The following MBD5 variants were observed in gnomAD, a reference collection of about 807,000 sequenced individuals.
The protein encoded by MBD5 is methyl-CpG binding domain protein 5.
A neutral mutation model predicts 117.3 loss-of-function variants in MBD5; 13 were observed. The observed-to-expected ratio is 0.11, with a 90% CI of 0.07 to 0.18. The LOEUF (loss-of-function observed/expected upper bound fraction) is 0.18, where lower values mean the gene tolerates loss of function less well. Among genes scored for constraint, MBD5 ranks in the 10% least tolerant of loss-of-function variants. MBD5 has a pLI of 1.00. For missense variants in MBD5, 1,879 were observed against 2,093.8 expected (o/e 0.90, Z 2.00); for synonymous variants, 727 against 766.4 (o/e 0.95, Z 0.85).
chr2:148,237,688 T>G (rs997074871), intron 3 of MBD5, among the ~76,000 whole-genome samples: 2 of 152,176 alleles, frequency 1.3e-5, no homozygotes, highest in African/African-American at 4.8e-5. Flanking sequence ...CTCAGAGTCA[T>G]GAAGTGAGCA....
chr2:148,160,681 T>C (rs1175918017), intron 1 of MBD5, among the ~76,000 whole-genome samples: 3 of 152,174 alleles, frequency 2.0e-5, no homozygotes, highest in African/African-American at 7.2e-5. Context: ...GATTTATATG[T>C]TTTTTCACTG....
intron 3 of MBD5, among the ~76,000 whole-genome samples, chr2:148,278,338 A>G (rs1279107058): frequency 6.6e-6 from 1 of 152,030 alleles, no homozygotes; most frequent in African/African-American, 2.4e-5. Context: ...GGAATGCTCT[A>G]TTTTTTAGTG....
At chr2:148,374,699 G>T (rs905617255) in intron 4 of MBD5, among the ~76,000 whole-genome samples, 1 of 152,080 alleles carries the variant, frequency 6.6e-6, no homozygotes, top group African/African-American at 2.4e-5. Context: ...CAGGATTCTG[G>T]GATATTACAG....
chr2:148,244,946 A>G (rs1362554610), intron 3 of MBD5, among the ~76,000 whole-genome samples: 1 of 144,762 alleles, frequency 6.9e-6, no homozygotes, highest in Non-Finnish European at 1.5e-5. Context: ...CCTGGAAATT[A>G]TATGTAATTG....
intron 1 of MBD5, among the ~76,000 whole-genome samples, chr2:148,075,285 G>A (rs1309482636): frequency 6.6e-6 from 1 of 152,100 alleles, no homozygotes; most frequent in African/African-American, 2.4e-5. Context: ...GATAATCAGA[G>A]GCAAAGGTAA....
intron 2 of MBD5, among the ~76,000 whole-genome samples, chr2:148,231,211 AG>A (rs1699977311): frequency 6.6e-6 from 1 of 152,214 alleles, no homozygotes; most frequent in African/African-American, 2.4e-5. Flanking sequence ...TGAGGCTTGC[AG>A]GAACTCAAGT....
intron 3 of MBD5, among the ~76,000 whole-genome samples, chr2:148,262,855 A>G (rs1401640068): frequency 6.6e-6 from 1 of 152,240 alleles, no homozygotes; most frequent in East Asian, 1.9e-4. Flanking sequence ...GACTGTAGTA[A>G]AAGCAATAGC....
At chr2:148,066,608 G>A (rs2105040604) in intron 1 of MBD5, among the ~76,000 whole-genome samples, 1 of 151,124 alleles carries the variant, frequency 6.6e-6, no homozygotes, top group East Asian at 2.0e-4. Flanking sequence ...CTCCTGAATA[G>A]CTGGGAGTAT....
chr2:148,388,889 A>T (rs1319654818), intron 4 of MBD5, among the ~76,000 whole-genome samples: 3 of 151,988 alleles, frequency 2.0e-5, no homozygotes, highest in Admixed American at 2.0e-4. Context: ...TTGTTCCATG[A>T]GTATGTAATG....
chr2:148,419,168 G>C (rs900857603), intron 4 of MBD5, among the ~76,000 whole-genome samples: 1 of 152,104 alleles, frequency 6.6e-6, no homozygotes, highest in Non-Finnish European at 1.5e-5. Flanking sequence ...GGGAAAATTG[G>C]ATAGCAACAT....
At chr2:148,274,858 G>A (rs913205840) in intron 3 of MBD5, among the ~76,000 whole-genome samples, 4 of 152,070 alleles carry the variant, frequency 2.6e-5, no homozygotes, top group Non-Finnish European at 5.9e-5. Context: ...AAGTAGCTGG[G>A]ATTATAGGCG....
At chr2:148,498,552 G>C (rs1014568265) in intron 11 of MBD5, among the ~76,000 whole-genome samples, 14 of 152,086 alleles carry the variant, frequency 9.2e-5, no homozygotes, top group Non-Finnish European at 2.1e-4. Flanking sequence ...TGGCCAGGCT[G>C]GTCTGGAACT....
chr2:148,297,794 A>T (rs1475712706), intron 3 of MBD5, among the ~76,000 whole-genome samples: 2 of 151,610 alleles, frequency 1.3e-5, no homozygotes, highest in Non-Finnish European at 2.9e-5. Flanking sequence ...TCTCATGGAG[A>T]TACTAGCCTC....
intron 4 of MBD5, among the ~76,000 whole-genome samples, chr2:148,351,289 C>T (rs575420900): frequency 6.6e-6 from 1 of 152,156 alleles, no homozygotes; most frequent in South Asian, 2.1e-4. Flanking sequence ...CAGTCCCAGG[C>T]AGGCAACCAC....
At chr2:148,176,832 T>C (rs910367006) in intron 1 of MBD5, among the ~76,000 whole-genome samples, 25 of 149,534 alleles carry the variant, frequency 1.7e-4, no homozygotes, top group African/African-American at 6.2e-4. Flanking sequence ...AAAATTAAGC[T>C]AGGAGTGCTT....
chr2:148,171,988 C>CAT lies in MBD5; in HGVS notation c.-924-6710_-924-6709dup, dbSNP rs1324387468. On this transcript the variant is annotated intron_variant, in intron 1 of 13. Transcript: ENST00000642680. ...AGGAGTTCATGACCAGCCTGGACAG[C>CAT]ATAGCAAGACCCCATCTCTACAAAG... is the stretch of plus-strand genomic sequence containing the variant. 2.0e-5 allele frequency among the ~76,000 whole-genome samples: 3 copies of CAT among 152,242 alleles called. No homozygotes were observed. The East Asian group carries it at 5.8e-4, about 29-fold the overall frequency.
intron 4 of MBD5, among the ~76,000 whole-genome samples, chr2:148,448,748 C>G (rs1018262673): frequency 2.6e-5 from 4 of 151,832 alleles, no homozygotes; most frequent in African/African-American, 9.7e-5. Context: ...TATTCTCATC[C>G]TACAGGTTTG....
At position 148,468,396 on chromosome 2, in the gene MBD5, G is replaced by A; in HGVS notation, c.453G>A (p.Lys151=). The change falls in exon 8 of 14, where the codon AAG becomes AAA. Residue 151 remains lysine (K), a synonymous_variant. Transcript: ENST00000642680. Reference sequence around the variant, plus strand: ...CAACTCCAAGATCAGTAAGAAATAAGTCTCATGAAGGAATTACAAATTCTG... The same window carrying A: ...CAACTCCAAGATCAGTAAGAAATAAATCTCATGAAGGAATTACAAATTCTG... ...RAATPRSVRN[K]SHEGITNSVM... 1 of 1,613,638 alleles carries A rather than the reference G, an allele frequency of 6.2e-7. No homozygotes were observed. Among genetic ancestry groups the A allele is most frequent in the South Asian group, 1.1e-5 (1 of 91,062 alleles).
At chr2:148,030,427 C>G (rs1406519967) in intron 1 of MBD5, among the ~76,000 whole-genome samples, 1 of 152,054 alleles carries the variant, frequency 6.6e-6, no homozygotes, top group East Asian at 1.9e-4. Context: ...AATATGCACA[C>G]TATGATTTCA....
Sources: allele counts gnomAD v4.1 joint callset (sites outside exome capture counted in the v4.1 genomes callset), GRCh38; gene constraint gnomAD v4.1.1; transcripts MANE v1.5; gene names NCBI Gene and HGNC (gene_info 2026-07-23, HGNC 2026-07-21).